ADGRL3: variants seen among roughly 807,000 people sequenced by gnomAD.
ADGRL3 encodes calcium-independent alpha-latrotoxin receptor 3.
In ADGRL3, 62 loss-of-function variants were observed where a neutral mutation model predicts 153.5. That is an observed-to-expected ratio of 0.40 (90% CI 0.33 to 0.50). The LOEUF is 0.50. ADGRL3 is among the 20% of genes least tolerant of loss of function. ADGRL3 has a pLI of 0.47. For missense variants in ADGRL3, 1,641 were observed against 1,859.4 expected (o/e 0.88, Z 2.16); for synonymous variants, 710 against 672.5 (o/e 1.06, Z -0.86).
intron 17 of ADGRL3, among the ~76,000 whole-genome samples, chr4:61,973,929 T>C (rs2099038555): frequency 6.6e-6 from 1 of 152,198 alleles, no homozygotes; most frequent in African/African-American, 2.4e-5. Flanking sequence ...AGTTAAAATC[T>C]GCTGTCTTCA....
chr4:61,658,084 A>T (rs1056474610), intron 5 of ADGRL3, among the ~76,000 whole-genome samples: 14 of 152,092 alleles, frequency 9.2e-5, no homozygotes, highest in African/African-American at 3.4e-4. Context: ...TTCTTTTTGT[A>T]TTCTTTTTCT....
intron 21 of ADGRL3, among the ~76,000 whole-genome samples, chr4:62,014,970 G>C (rs2151300559): frequency 6.6e-6 from 1 of 152,252 alleles, no homozygotes; most frequent in African/African-American, 2.4e-5. Context: ...CAGCAGGAGT[G>C]TTACTTGGTT....
intron 8 of ADGRL3, among the ~76,000 whole-genome samples, chr4:61,783,386 A>G (rs2152393807): frequency 6.6e-6 from 1 of 152,226 alleles, no homozygotes; most frequent in South Asian, 2.1e-4. Flanking sequence ...TAATGAAAAA[A>G]GGGTGTTTTC....
At chr4:61,820,525 T>C (rs956554358) in intron 9 of ADGRL3, among the ~76,000 whole-genome samples, 3 of 152,208 alleles carry the variant, frequency 2.0e-5, no homozygotes, top group African/African-American at 7.2e-5. Flanking sequence ...GTAATTCCTC[T>C]TGCCATACGT....
chr4:61,619,974 A>G lies in ADGRL3; in HGVS notation c.473+32534A>G, dbSNP rs553267112. Among the ~76,000 whole-genome samples the G allele has an allele frequency of 3.9e-5, 6 of 152,218 alleles. No individual in the cohort carries two copies. The East Asian group carries it at 1.2e-3, about 29-fold the overall frequency. On this transcript the variant is annotated intron_variant, in intron 5 of 26. Coordinates refer to ENST00000683033, the MANE Select transcript of ADGRL3 (RefSeq NM_001387552.1). ...CTTTTCTGGGAGTTTTTGTAAGTAAAAAGAGTAGAATTAGTGAGTAAAATC... is the reference window on the plus strand; with the variant it reads ...CTTTTCTGGGAGTTTTTGTAAGTAAGAAGAGTAGAATTAGTGAGTAAAATC...
At chr4:62,038,130 G>C (rs1017581579) in intron 24 of ADGRL3, among the ~76,000 whole-genome samples, 1 of 152,016 alleles carries the variant, frequency 6.6e-6, no homozygotes, top group African/African-American at 2.4e-5. Context: ...GGAATTTGCC[G>C]TTTCACCCAA....
intron 5 of ADGRL3, among the ~76,000 whole-genome samples, chr4:61,608,545 A>C (rs1390310113): frequency 6.6e-6 from 1 of 152,190 alleles, no homozygotes; most frequent in Non-Finnish European, 1.5e-5. Flanking sequence ...TTAATGTATT[A>C]TAGTTTGTTA....
At chr4:61,629,876 G>A (rs2093054956) in intron 5 of ADGRL3, among the ~76,000 whole-genome samples, 1 of 148,778 alleles carries the variant, frequency 6.7e-6, no homozygotes, top group African/African-American at 2.5e-5. Flanking sequence ...ATGATATTCT[G>A]TAGAGACTAA....
intron 15 of ADGRL3, among the ~76,000 whole-genome samples, chr4:61,945,809 A>G (rs1318728442): frequency 1.3e-5 from 2 of 151,826 alleles, no homozygotes; most frequent in South Asian, 2.1e-4. Context: ...CACGGTGCGC[A>G]CACACACTGG....
At chr4:61,620,218 C>G (rs2092401337) in intron 5 of ADGRL3, among the ~76,000 whole-genome samples, 1 of 151,818 alleles carries the variant, frequency 6.6e-6, no homozygotes, top group South Asian at 2.1e-4. Context: ...ACTAAAATGA[C>G]AATGAAGAGA....
chr4:61,731,418 C>G (rs962621557), intron 7 of ADGRL3, among the ~76,000 whole-genome samples: 3 of 152,042 alleles, frequency 2.0e-5, no homozygotes, highest in African/African-American at 7.2e-5. Context: ...GGGTCAATAT[C>G]CAAATTACTG....
chr4:61,984,210 T>C (rs905596315), intron 19 of ADGRL3, among the ~76,000 whole-genome samples: 5 of 152,158 alleles, frequency 3.3e-5, no homozygotes, highest in African/African-American at 1.2e-4. Flanking sequence ...ACAGTTGAGA[T>C]ACCCAGAGTA....
intron 9 of ADGRL3, among the ~76,000 whole-genome samples, chr4:61,891,098 T>C (rs1391016245): frequency 6.6e-6 from 1 of 152,200 alleles, no homozygotes; most frequent in Non-Finnish European, 1.5e-5. Flanking sequence ...CGAGCTTTGA[T>C]TTGGCAAAAG....
intron 21 of ADGRL3, among the ~76,000 whole-genome samples, chr4:62,002,621 C>T (rs1362779237): frequency 1.3e-5 from 2 of 151,358 alleles, no homozygotes; most frequent in Non-Finnish European, 2.9e-5. Context: ...ATGAGGTATG[C>T]CAAGTCTTGG....
intron 17 of ADGRL3, among the ~76,000 whole-genome samples, chr4:61,973,747 T>G (rs1042879108): frequency 1.3e-5 from 2 of 152,124 alleles, no homozygotes; most frequent in Non-Finnish European, 2.9e-5. Flanking sequence ...AACACTAGTC[T>G]ATGGTACAGA....
chr4:61,889,185 A>T (rs569019114), intron 9 of ADGRL3, among the ~76,000 whole-genome samples: 1 of 152,338 alleles, frequency 6.6e-6, no homozygotes, highest in Non-Finnish European at 1.5e-5. Flanking sequence ...TTAGTGTATA[A>T]CCCAGTCTTG....
intron 23 of ADGRL3, among the ~76,000 whole-genome samples, chr4:62,035,641 C>T (rs1194143263): frequency 6.6e-6 from 1 of 151,944 alleles, no homozygotes. Flanking sequence ...AGCATTTGTC[C>T]TCATTCTTTC....
At chr4:61,784,021 C>G (rs2097247710) in intron 8 of ADGRL3, among the ~76,000 whole-genome samples, 1 of 151,902 alleles carries the variant, frequency 6.6e-6, no homozygotes, top group Non-Finnish European at 1.5e-5. Context: ...CTTGAATTAC[C>G]CAAAGAGAAT....
chr4:61,658,826 C>G (rs1332952758), intron 5 of ADGRL3, among the ~76,000 whole-genome samples: 1 of 152,112 alleles, frequency 6.6e-6, no homozygotes, highest in Non-Finnish European at 1.5e-5. Flanking sequence ...TTCAGGAAAC[C>G]TGCCCTGAAA....
Sources: allele counts gnomAD v4.1 joint callset (sites outside exome capture counted in the v4.1 genomes callset), GRCh38; gene constraint gnomAD v4.1.1; transcripts MANE v1.5; gene names NCBI Gene and HGNC (gene_info 2026-07-23, HGNC 2026-07-21).